Variants in CHGA observed in about 807,000 individuals in gnomAD.
CHGA encodes chromogranin A.
Under a neutral mutation model 54.4 loss-of-function variants are expected in CHGA, and 41 were observed. The observed-to-expected ratio is 0.75, with a 90% CI of 0.59 to 0.98. CHGA has a LOEUF of 0.98. Ranked by LOEUF, CHGA falls within the 50% of genes least tolerant of loss-of-function variation. The pLI is 0.00. For missense variants in CHGA, 576 were observed against 582.3 expected, an observed-to-expected ratio of 0.99 and a Z score of 0.11; for synonymous variants, 249 against 232.8, an observed-to-expected ratio of 1.07 and a Z score of -0.63.
intron 1 of CHGA, 47 bp downstream of exon 1, chr14:92,923,452 G>A: frequency 8.1e-7 from 1 of 1,240,552 alleles, no homozygotes; most frequent in Non-Finnish European, 1.0e-6. Context: ...GGGCGCCCCT[G>A]CCCACCTTGA....
intron 4 of CHGA, 66 bp from the exon 5 acceptor site, chr14:92,929,651 C>A: frequency 1.4e-6 from 2 of 1,434,596 alleles, no homozygotes; most frequent in Non-Finnish European, 2.0e-6. Context: ...TGGAGGTCTT[C>A]ACTCTTATAG....
rs765097128 is a variant in CHGA, at chr14:92,931,669, A to C, written c.775A>C (p.Ser259Arg). ...GPTVVLNPHP[S>R]LGYKEIRKGE... ...CACTGTAGTGCTGAACCCCCACCCG[A>C]GCCTTGGCTACAAGGAGATCCGGAA... The change falls in exon 6 of 8, where the codon AGC becomes CGC. Residue 259 changes from serine (S) to arginine (R), a missense_variant. Physicochemically the swap from Ser to Arg is moderately radical, Grantham distance 110 (BLOSUM62 -1). Coordinates refer to ENST00000216492, the MANE Select transcript of CHGA (RefSeq NM_001275.4). 6.3e-7 allele frequency: 1 copy of C among 1,591,038 alleles called. No individual in the cohort carries two copies. Among genetic ancestry groups the C allele is most frequent in the South Asian group, 1.1e-5 (1 of 88,404 alleles).
At position 92,932,460 on chromosome 14, in the gene CHGA, C is replaced by T. The variant is rs753407523; in HGVS notation, c.899C>T (p.Ser300Phe). The change falls in exon 7 of 8, where the codon TCC becomes TTC. Residue 300 changes from serine (S) to phenylalanine (F), a missense_variant. Coordinates refer to ENST00000216492, the MANE Select transcript of CHGA (RefSeq NM_001275.4). The surrounding 1 kb of genome is among the most constrained non-coding windows in gnomAD (Gnocchi z 5.3). ...DPEGKGEQEH[S>F]QQKEEEEEMA... ...GAAGGGAAGGGAGAACAGGAGCACT[C>T]CCAGCAGAAAGAGGAGGAGGAGGAG... The T allele has an allele frequency of 6.4e-7, 1 of 1,558,934 alleles. No homozygotes were observed.
chr14:92,925,527 A>G (rs926667533), intron 2 of CHGA, among the ~76,000 whole-genome samples: 14 of 152,294 alleles, frequency 9.2e-5, no homozygotes, highest in African/African-American at 3.4e-4. Flanking sequence ...GACTACATGC[A>G]TTATACAGCA....
Position 92,926,545 on chromosome 14 carries a change from T to C in CHGA, c.94-60T>C, listed in dbSNP as rs1476417712. The C allele has an allele frequency of 3.5e-6, 5 of 1,421,048 alleles. No homozygotes were observed. The East Asian group carries it at 1.1e-4, about 32-fold the overall frequency. The allele number at this position is 1,421,048 out of a possible 1,614,324, so 88.0% of individuals were successfully genotyped here. On this transcript the variant is annotated intron_variant, in intron 2 of 7. Coordinates refer to ENST00000216492, the MANE Select transcript of CHGA (RefSeq NM_001275.4). ...CTCACTAGAAATTCACCCTAGAGCCTCCAGGGACTGAGCCCCATGCTCAAA... is the reference window on the plus strand; with the variant it reads ...CTCACTAGAAATTCACCCTAGAGCCCCCAGGGACTGAGCCCCATGCTCAAA...
At chr14:92,931,132 TG>T in intron 5 of CHGA, 117 bp from the exon 6 acceptor site, 2 of 1,028,090 alleles carry the variant, frequency 1.9e-6, no homozygotes, top group Non-Finnish European at 2.8e-6. Context: ...ATCGTTGTCC[TG>T]GGCTGGGCTC....
chr14:92,934,998 C>A lies in CHGA; in HGVS notation c.*114C>A. 1.1e-6 allele frequency: 1 copy of A among 887,854 alleles called. No homozygotes were observed. The highest frequency in any genetic ancestry group is 1.7e-6 in the Non-Finnish European group (1 of 604,760). 55.0% of individuals were successfully genotyped at this position (887,854 alleles called of 1,614,324 possible). On this transcript the variant is annotated 3_prime_UTR_variant, in exon 8 of 8. Transcript: ENST00000216492. ...CTGCTTCCGGTAGGGAGGCAGCCTC[C>A]AGCCTGCCCAAGCCCAGGCCACCCT... is the stretch of plus-strand genomic sequence containing the variant.
At chr14:92,927,400 A>G (rs1595060546) in intron 3 of CHGA, 150 bp from the exon 4 acceptor site, 3 of 653,606 alleles carry the variant, frequency 4.6e-6, no homozygotes, top group Non-Finnish European at 8.1e-6. Context: ...GGTAATTTCA[A>G]AAGTGTTATC....
upstream of CHGA, among the ~76,000 whole-genome samples, chr14:92,922,776 C>G (rs1886808210): frequency 3.3e-5 from 5 of 152,124 alleles, no homozygotes; most frequent in South Asian, 1.0e-3. Context: ...ATACCCCAGG[C>G]AGAGGGCACT....
In CHGA at chr14:92,932,479, G is replaced by A. The variant is rs1355349695; in HGVS notation, c.918G>A (p.Glu306=). The A allele has an allele frequency of 2.6e-6, 4 of 1,556,172 alleles. No homozygotes were observed. In the African/African-American group the frequency reaches 4.1e-5, roughly 16 times the overall value. Reference sequence around the variant, plus strand: ...AGCACTCCCAGCAGAAAGAGGAGGAGGAGGAGATGGCAGTGGTCCCGCAAG... The same window carrying A: ...AGCACTCCCAGCAGAAAGAGGAGGAAGAGGAGATGGCAGTGGTCCCGCAAG... ...EQEHSQQKEE[E]EEMAVVPQGL... The change falls in exon 7 of 8, where the codon GAG becomes GAA. Residue 306 remains glutamate (E), a synonymous_variant. Transcript: ENST00000216492. This position sits in a 1 kb window ranked among gnomAD's most constrained non-coding sequence, Gnocchi z 5.3.
Position 92,931,251 on chromosome 14 carries a change from G to C in CHGA, c.357G>C (p.Glu119Asp). The C allele has an allele frequency of 6.2e-7, 1 of 1,607,738 alleles. No homozygotes were observed. The highest frequency in any genetic ancestry group is 8.5e-7 in the Non-Finnish European group (1 of 1,175,540). ...ENQSSQAELK[E>D]AVEEPSSKDV... ...GACTTGGCTGTGCTGTGTCTGCAGA[G>C]GCGGTGGAAGAGCCATCATCCAAGG... The change falls in exon 6 of 8, where the codon GAG becomes GAC. Residue 119 changes from glutamate to aspartate, a missense_variant and splice_region_variant. Glu to Asp is a conservative substitution (Grantham distance 45). Transcript: ENST00000216492.
chr14:92,932,949 G>A lies in CHGA; in HGVS notation c.1290+98G>A, dbSNP rs1168736138. On this transcript the variant is annotated intron_variant, in intron 7 of 7. Coordinates refer to ENST00000216492, the MANE Select transcript of CHGA (RefSeq NM_001275.4). This position sits in a 1 kb window ranked among gnomAD's most constrained non-coding sequence, Gnocchi z 5.3. ...GCCCCTGCCCCACTGAGGGGACAGG[G>A]CCCCCCCGCCGAAGTCTGGGGATGG... The A allele has an allele frequency of 1.4e-6, 2 of 1,426,060 alleles. No individual in the cohort carries two copies. The highest frequency in any genetic ancestry group is 2.5e-5 in the East Asian group (1 of 39,574). 88.3% of individuals were successfully genotyped at this position (1,426,060 alleles called of 1,614,324 possible). A position where few individuals can be genotyped will look rare whatever the true frequency, so the allele number is the denominator to read the frequency against.
At chr14:92,925,833 T>G (rs1022479529) in intron 2 of CHGA, among the ~76,000 whole-genome samples, 12 of 152,194 alleles carry the variant, frequency 7.9e-5, no homozygotes, top group African/African-American at 2.7e-4. Flanking sequence ...TCAGAGAGGT[T>G]AAGTCACTTC....
chr14:92,933,986 G>A, intron 7 of CHGA, among the ~76,000 whole-genome samples: 1 of 152,292 alleles, frequency 6.6e-6, no homozygotes, highest in South Asian at 2.1e-4. Context: ...ACCTGCCCCA[G>A]GGCCTCCTCC....
Position 92,931,551 on chromosome 14 carries a change from AG to A in CHGA, c.658del (p.Glu220SerfsTer33). 1 of 1,612,796 alleles carries A rather than the reference AG, an allele frequency of 6.2e-7. No individual in the cohort carries two copies. The highest frequency in any genetic ancestry group is 1.1e-5 in the South Asian group (1 of 90,992). On this transcript the variant is annotated frameshift_variant, in exon 6 of 8. Transcript: ENST00000216492. LOFTEE classifies it high-confidence loss of function. The part of the protein sequence containing the change: ...LVDREKGLSA[E>X]PGWQAKREEE... ...TGGACAGAGAGAAGGGCCTGAGTGC[AG>A]AGCCAGGGTGGCAGGCAAAGAGAGA...
chr14:92,932,360 C>T lies in CHGA; in HGVS notation c.809-10C>T. 3 of 1,570,718 alleles carry T rather than the reference C, an allele frequency of 1.9e-6. No individual in the cohort carries two copies. The highest frequency in any genetic ancestry group is 2.6e-6 in the Non-Finnish European group (3 of 1,157,832). On this transcript the variant is annotated splice_polypyrimidine_tract_variant and intron_variant, in intron 6 of 7. Transcript: ENST00000216492. This position sits in a 1 kb window ranked among gnomAD's most constrained non-coding sequence, Gnocchi z 5.3. ...CCCATTCTCCTGCTCTTGCCCACCACCTGCTCCAGGTCGGTCGGAGGCTCT... is the reference window on the plus strand; with the variant it reads ...CCCATTCTCCTGCTCTTGCCCACCATCTGCTCCAGGTCGGTCGGAGGCTCT...
intron 5 of CHGA, among the ~76,000 whole-genome samples, chr14:92,930,325 C>T (rs927614149): frequency 6.6e-6 from 1 of 152,266 alleles, no homozygotes; most frequent in African/African-American, 2.4e-5. Context: ...CAGTGCGACA[C>T]TCTGAGCCAT....
At chr14:92,933,894 CCT>C (rs1458755655) in intron 7 of CHGA, among the ~76,000 whole-genome samples, 1 of 152,150 alleles carries the variant, frequency 6.6e-6, no homozygotes, top group Admixed American at 6.5e-5. Flanking sequence ...AAACTGGACC[CCT>C]GAGGCATATG....
At chr14:92,929,597 G>A in intron 4 of CHGA, 120 bp from the exon 5 acceptor site, 1 of 840,354 alleles carries the variant, frequency 1.2e-6, no homozygotes, top group Non-Finnish European at 1.9e-6. Flanking sequence ...GTGTCTCATT[G>A]GGCAGGCCCT....
Sources: gnomAD v4.1 joint callset for allele counts (sites outside exome capture counted in the v4.1 genomes callset) on GRCh38, gnomAD v4.1.1 for gene constraint, Gnocchi (gnomAD v3.1) non-coding constraint, MANE v1.5 for transcripts, NCBI Gene and HGNC (gene_info 2026-07-23, HGNC 2026-07-21) for gene names.